The following DOCK2 variants were observed in gnomAD, a reference collection of about 807,000 sequenced individuals.
The protein encoded by DOCK2 is dedicator of cytokinesis protein 2.
A neutral mutation model predicts 248.9 loss-of-function variants in DOCK2; 87 were observed. That is an observed-to-expected ratio of 0.35 (90% confidence interval 0.29 to 0.42). The LOEUF is 0.42. Among genes scored for constraint, DOCK2 ranks in the 10% least tolerant of loss-of-function variants. DOCK2 has a pLI of 1.00. For synonymous variants in DOCK2, 805 were observed against 821.6 expected, an observed-to-expected ratio of 0.98 and a Z score of 0.35; for missense variants, 1,747 against 2,300.2, an observed-to-expected ratio of 0.76 and a Z score of 4.92.
At chr5:169,697,735 G>C (rs1384159672) in intron 10 of DOCK2, among the ~76,000 whole-genome samples, 1 of 152,110 alleles carries the variant, frequency 6.6e-6, no homozygotes. Flanking sequence ...CGTATTTTCT[G>C]TAACTAGGGT....
At chr5:169,964,767 G>A (rs998045659) in intron 27 of DOCK2, among the ~76,000 whole-genome samples, 11 of 152,282 alleles carry the variant, frequency 7.2e-5, no homozygotes, top group African/African-American at 2.6e-4. Context: ...TTCTCCCCTC[G>A]GAGCAAAAGT....
At chr5:169,803,349 G>A in intron 26 of DOCK2, 143 bp downstream of exon 26, 2 of 1,073,288 alleles carry the variant, frequency 1.9e-6, no homozygotes, top group Non-Finnish European at 2.6e-6. Context: ...CTTTTCCTGT[G>A]ACTAACCCCC....
intron 27 of DOCK2, among the ~76,000 whole-genome samples, chr5:169,910,417 T>A (rs954765229): frequency 4.6e-5 from 7 of 152,196 alleles, no homozygotes; most frequent in Admixed American, 2.0e-4. Flanking sequence ...TCAGTGCTGA[T>A]TTATTGCTTA....
At chr5:170,058,223 T>C (rs6864400) in intron 44 of DOCK2, among the ~76,000 whole-genome samples, 55,360 of 152,076 alleles carry the variant, frequency 0.36, 10,499 homozygotes, top group East Asian at 0.49. Context: ...TACAGAGGAA[T>C]GGTCAGTGTG....
chr5:169,747,163 A>G (rs1446029453), intron 22 of DOCK2, among the ~76,000 whole-genome samples: 1 of 152,182 alleles, frequency 6.6e-6, no homozygotes, highest in Non-Finnish European at 1.5e-5. Context: ...TTAAAAAAAT[A>G]CGGCAGAAGG....
intron 23 of DOCK2, among the ~76,000 whole-genome samples, chr5:169,749,196 G>A (rs752528360): frequency 6.6e-6 from 1 of 152,166 alleles, no homozygotes; most frequent in South Asian, 2.1e-4. Flanking sequence ...AGCATCATTG[G>A]TTTTATGAAA....
rs566677904 is a variant in DOCK2 at position 169,868,743 on chromosome 5, T to C, written c.2799+27891T>C. Among the ~76,000 whole-genome samples the C allele has an allele frequency of 4.6e-4, 70 of 152,174 alleles. 1 individual carries two copies. The highest frequency in any genetic ancestry group is 1.7e-3 in the African/African-American group (69 of 41,514). On this transcript the variant is annotated intron_variant, in intron 27 of 51. Transcript: ENST00000520908. ...ACTGCACTCCAGCCCAGGTGAGAGA[T>C]TGAGTTGTCCCCATCTCAAAAAGAA...
intron 44 of DOCK2, among the ~76,000 whole-genome samples, chr5:170,065,413 A>G (rs902361198): frequency 6.6e-6 from 1 of 152,252 alleles, no homozygotes; most frequent in Non-Finnish European, 1.5e-5. Context: ...ATCAGTAATG[A>G]CTTTGAATGT....
At chr5:170,069,787 G>T (rs975170780) in intron 46 of DOCK2, among the ~76,000 whole-genome samples, 4 of 152,114 alleles carry the variant, frequency 2.6e-5, no homozygotes, top group African/African-American at 9.7e-5. Context: ...GCTGTTTCGG[G>T]CTGGCCACTT....
At chr5:169,912,805 CAG>C (rs1037059109) in intron 27 of DOCK2, among the ~76,000 whole-genome samples, 6 of 151,968 alleles carry the variant, frequency 3.9e-5, no homozygotes, top group East Asian at 1.9e-4. Flanking sequence ...GCAGTATAAC[CAG>C]AGTGTTGAGA....
At chr5:170,082,536 C>A (rs1430171101) in intron 51 of DOCK2, among the ~76,000 whole-genome samples, 1 of 152,158 alleles carries the variant, frequency 6.6e-6, no homozygotes, top group Non-Finnish European at 1.5e-5. Context: ...CATTTGAGCT[C>A]CCACTCTTAG....
chr5:169,895,084 A>G (rs1344673852), intron 27 of DOCK2, among the ~76,000 whole-genome samples: 2 of 152,156 alleles, frequency 1.3e-5, no homozygotes, highest in Admixed American at 6.5e-5. Context: ...CTCTGCCTGT[A>G]CAAGCTGTGA....
chr5:169,931,230 A>C (rs1775734071), intron 27 of DOCK2, among the ~76,000 whole-genome samples: 1 of 152,214 alleles, frequency 6.6e-6, no homozygotes, highest in Non-Finnish European at 1.5e-5. Context: ...ATACATGTGC[A>C]TCCCAAAGAC....
intron 26 of DOCK2, among the ~76,000 whole-genome samples, chr5:169,813,743 G>A (rs562579591): frequency 5.3e-4 from 81 of 152,336 alleles, no homozygotes; most frequent in Non-Finnish European, 9.0e-4. Flanking sequence ...AGTTCTCATT[G>A]ATCTGCTGTG....
At chr5:169,811,884 G>A (rs1767781496) in intron 26 of DOCK2, among the ~76,000 whole-genome samples, 1 of 152,196 alleles carries the variant, frequency 6.6e-6, no homozygotes, top group Admixed American at 6.5e-5. Flanking sequence ...CCATTTCCCT[G>A]GAGGAGCCTC....
At chr5:169,967,977 G>A (rs1011707050) in intron 27 of DOCK2, among the ~76,000 whole-genome samples, 1 of 152,178 alleles carries the variant, frequency 6.6e-6, no homozygotes, top group Non-Finnish European at 1.5e-5. Flanking sequence ...AGGAAGAAAG[G>A]TCTGAGAGGG....
chr5:169,902,619 T>A (rs984027036), intron 27 of DOCK2, among the ~76,000 whole-genome samples: 1 of 152,198 alleles, frequency 6.6e-6, no homozygotes, highest in Non-Finnish European at 1.5e-5. Flanking sequence ...CTGGGGCCAT[T>A]TGGGAAGCTG....
At chr5:169,690,912 C>T (rs1056360906) in intron 9 of DOCK2, among the ~76,000 whole-genome samples, 2 of 152,182 alleles carry the variant, frequency 1.3e-5, no homozygotes, top group East Asian at 1.9e-4. Context: ...GTGGATGCTT[C>T]CCTCTGTTAA....
At chr5:169,939,034 G>C (rs753597778) in intron 27 of DOCK2, among the ~76,000 whole-genome samples, 3 of 151,624 alleles carry the variant, frequency 2.0e-5, no homozygotes, top group Non-Finnish European at 4.4e-5. Flanking sequence ...CTCGGGAGTA[G>C]CTGGGACTAC....
Sources: allele counts gnomAD v4.1 joint callset (sites outside exome capture counted in the v4.1 genomes callset), GRCh38; gene constraint gnomAD v4.1.1; transcripts MANE v1.5; gene names NCBI Gene and HGNC (gene_info 2026-07-23, HGNC 2026-07-21).